CDH12: variants seen among roughly 807,000 people sequenced by gnomAD.
CDH12 encodes cadherin-12.
Under a neutral mutation model 74.1 loss-of-function variants are expected in CDH12, and 41 were observed. That is an observed-to-expected ratio of 0.55 (90% CI 0.43 to 0.72). The LOEUF (loss-of-function observed/expected upper bound fraction) is 0.72, where lower values mean the gene tolerates loss of function less well. Ranked by LOEUF, CDH12 falls within the 30% of genes least tolerant of loss-of-function variation. The pLI, the probability that CDH12 is intolerant of heterozygous loss-of-function variation, is 0.00. For synonymous variants in CDH12, 399 were observed against 355.0 expected (o/e 1.12, Z -1.39); for missense variants, 945 against 977.2 (o/e 0.97, Z 0.44).
At chr5:21,911,849 A>AT (rs34258046) in intron 6 of CDH12, among the ~76,000 whole-genome samples, 8 of 151,914 alleles carry the variant, frequency 5.3e-5, no homozygotes, top group South Asian at 4.2e-4. Flanking sequence ...TTCAACTTTA[A>AT]TTTTTTTTGT....
chr5:21,816,795 A>T, intron 9 of CDH12, 150 bp downstream of exon 9: 1 of 493,914 alleles, frequency 2.0e-6, no homozygotes. Context: ...GACGGCACGG[A>T]GTATCAGTAC....
chr5:21,928,487 T>A (rs141112715), intron 6 of CDH12, among the ~76,000 whole-genome samples: 11 of 152,300 alleles, frequency 7.2e-5, no homozygotes, highest in African/African-American at 2.6e-4. Flanking sequence ...AGATTTTGCT[T>A]ATGATGTATT....
At chr5:22,538,237 G>T (rs1285044818) in intron 1 of CDH12, among the ~76,000 whole-genome samples, 1 of 152,094 alleles carries the variant, frequency 6.6e-6, no homozygotes, top group Non-Finnish European at 1.5e-5. Context: ...CACCCTGAAT[G>T]ATTGAAAACT....
At chr5:22,215,924 C>T (rs1751787584) in intron 3 of CDH12, among the ~76,000 whole-genome samples, 1 of 152,020 alleles carries the variant, frequency 6.6e-6, no homozygotes. Flanking sequence ...ACTAATGCAA[C>T]ATTTAAACTT....
chr5:21,848,452 T>A (rs1579828126), intron 7 of CDH12, among the ~76,000 whole-genome samples: 1 of 152,002 alleles, frequency 6.6e-6, no homozygotes, highest in African/African-American at 2.4e-5. Flanking sequence ...TCAGTTACAT[T>A]ACAGTTATGA....
intron 10 of CDH12, among the ~76,000 whole-genome samples, chr5:21,793,853 G>C (rs966903443): frequency 5.3e-5 from 8 of 151,046 alleles, no homozygotes; most frequent in Non-Finnish European, 5.9e-5. Context: ...TTTGATCACT[G>C]ATTATTACAG....
intron 4 of CDH12, among the ~76,000 whole-genome samples, chr5:22,102,187 GT>G (rs1359118429): frequency 2.6e-5 from 4 of 152,104 alleles, no homozygotes; most frequent in Admixed American, 2.0e-4. Flanking sequence ...AATATATGAA[GT>G]GTTTTAAAAT....
intron 1 of CDH12, among the ~76,000 whole-genome samples, chr5:22,722,592 C>G (rs1223993352): frequency 2.6e-5 from 4 of 152,138 alleles, no homozygotes; most frequent in Non-Finnish European, 4.4e-5. Context: ...CTCACAAGTT[C>G]AAGTGATATA....
At chr5:22,019,006 C>T (rs752129187) in intron 5 of CDH12, among the ~76,000 whole-genome samples, 21 of 151,310 alleles carry the variant, frequency 1.4e-4, no homozygotes, top group Non-Finnish European at 2.7e-4. Flanking sequence ...GTTGCAGTGA[C>T]CTGAGATTGT....
intron 4 of CDH12, among the ~76,000 whole-genome samples, chr5:22,100,676 CACACACACACAT>C (rs1561110782): frequency 6.6e-6 from 1 of 151,666 alleles, no homozygotes; most frequent in Non-Finnish European, 1.5e-5. Flanking sequence ...CACACACACA[CACACACACACAT>C]ACACTCTTTT....
intron 9 of CDH12, 135 bp from the exon 10 acceptor site, chr5:21,802,555 A>T: frequency 3.3e-5 from 20 of 612,530 alleles, no homozygotes; most frequent in Non-Finnish European, 3.7e-5. Flanking sequence ...CTTAATAACT[A>T]GTGGGTAAGG....
At chr5:22,196,951 A>C (rs1750653374) in intron 4 of CDH12, among the ~76,000 whole-genome samples, 1 of 152,174 alleles carries the variant, frequency 6.6e-6, no homozygotes, top group African/African-American at 2.4e-5. Flanking sequence ...AAAATAATTG[A>C]TGGGTGTTAG....
At chr5:21,828,133 T>G (rs1748784293) in intron 8 of CDH12, among the ~76,000 whole-genome samples, 1 of 151,958 alleles carries the variant, frequency 6.6e-6, no homozygotes, top group South Asian at 2.1e-4. Context: ...GAATTTTTTT[T>G]TTTTTTTGAG....
Position 21,909,991 on chromosome 5 carries a change from C to T in CDH12, c.527-55201G>A, listed in dbSNP as rs558276297. Among the ~76,000 whole-genome samples, 58 of 152,194 alleles carry T rather than the reference C, an allele frequency of 3.8e-4. 1 individual carries two copies. The South Asian group carries it at 8.3e-3, about 22-fold the overall frequency. Reference sequence around the variant, plus strand: ...GTCATATTGAAATTTCCTTTGGTCACGGAGAGAAAATAGCTGTTTTTGACA... The same window carrying T: ...GTCATATTGAAATTTCCTTTGGTCATGGAGAGAAAATAGCTGTTTTTGACA... On this transcript the variant is annotated intron_variant, in intron 6 of 14. Transcript: ENST00000382254.
At chr5:22,247,220 C>T (rs1752976925) in intron 3 of CDH12, among the ~76,000 whole-genome samples, 1 of 152,162 alleles carries the variant, frequency 6.6e-6, no homozygotes, top group Admixed American at 6.5e-5. Flanking sequence ...ATCACATACA[C>T]TTATTAGGGT....
chr5:22,209,913 C>T (rs988591015), intron 4 of CDH12, among the ~76,000 whole-genome samples: 1 of 151,930 alleles, frequency 6.6e-6, no homozygotes, highest in African/African-American at 2.4e-5. Context: ...TAAACACAGC[C>T]AGATCTGAAT....
chr5:22,249,589 G>A (rs1266024811), intron 3 of CDH12, among the ~76,000 whole-genome samples: 2 of 152,146 alleles, frequency 1.3e-5, no homozygotes, highest in African/African-American at 2.4e-5. Flanking sequence ...GCACAGTGCC[G>A]CAGCTACTTC....
At chr5:22,583,022 A>T (rs1740183454) in intron 1 of CDH12, among the ~76,000 whole-genome samples, 1 of 152,150 alleles carries the variant, frequency 6.6e-6, no homozygotes, top group South Asian at 2.1e-4. Flanking sequence ...AGAAAAGCGC[A>T]CTTTGAAGCA....
chr5:21,889,804 A>G (rs1010033188), intron 6 of CDH12: 4 of 985,154 alleles, frequency 4.1e-6, no homozygotes, highest in African/African-American at 1.7e-5. Flanking sequence ...CTATTTCTCA[A>G]TATAGATGAT....
Sources: gnomAD v4.1 joint callset for allele counts (sites outside exome capture counted in the v4.1 genomes callset) on GRCh38, gnomAD v4.1.1 for gene constraint, MANE v1.5 for transcripts, NCBI Gene and HGNC (gene_info 2026-07-23, HGNC 2026-07-21) for gene names.